Variants in AIG1 observed in about 807,000 individuals in gnomAD.
The protein encoded by AIG1 is androgen-induced gene 1 protein.
A neutral mutation model predicts 31.4 loss-of-function variants in AIG1; 23 were observed. The ratio of observed to expected loss-of-function variants is 0.73; its 90% confidence interval spans 0.53 to 1.04. AIG1 has a LOEUF of 1.04. Among genes scored for constraint, AIG1 ranks in the 50% least tolerant of loss-of-function variants. The probability of loss-of-function intolerance (pLI) is 0.00; values close to 1 mark genes in which losing one functional copy is unlikely to be tolerated. For missense variants in AIG1, 274 were observed against 295.0 expected (o/e 0.93, Z 0.52); for synonymous variants, 100 against 110.5 (o/e 0.90, Z 0.60).
chr6:143,189,652 G>A (rs1486957848), intron 3 of AIG1: 11 of 985,058 alleles, frequency 1.1e-5, no homozygotes, highest in Admixed American at 6.2e-5. Context: ...AAGTTGATTT[G>A]CTTTAAATTG....
Position 143,143,554 on chromosome 6 carries a change from TAC to T in AIG1, c.297+6573_297+6574del, listed in dbSNP as rs1554249840. On this transcript the variant is annotated intron_variant, in intron 2 of 5. Transcript: ENST00000357847. The stretch of plus-strand genomic sequence containing the variant: ...ATATATATATATATATATATATATA[TAC>T]ACACACACTTAATATCTTCTGATCC... Among the ~76,000 whole-genome samples the T allele has an allele frequency of 3.1e-3, 322 of 103,942 alleles. 3 individuals are homozygous for T. Among genetic ancestry groups the T allele is most frequent in the African/African-American group, 0.012 (260 of 22,112 alleles). 68.2% of individuals were successfully genotyped at this position (103,942 alleles called of 152,430 possible).
chr6:143,105,543 G>A (rs112503027), intron 1 of AIG1, among the ~76,000 whole-genome samples: 4 of 152,282 alleles, frequency 2.6e-5, no homozygotes, highest in Non-Finnish European at 5.9e-5. Flanking sequence ...AAAAACTGCC[G>A]AATGATACCA....
chr6:143,200,448 A>G (rs932949209), intron 3 of AIG1, among the ~76,000 whole-genome samples: 6 of 151,996 alleles, frequency 3.9e-5, no homozygotes, highest in African/African-American at 1.5e-4. Flanking sequence ...TTATCCACAC[A>G]GTGCCCCCAT....
intron 1 of AIG1, among the ~76,000 whole-genome samples, chr6:143,089,877 A>T (rs911961703): frequency 1.3e-5 from 2 of 152,162 alleles, no homozygotes; most frequent in Non-Finnish European, 2.9e-5. Flanking sequence ...ATTAGGCCCC[A>T]CCTCCAGCAC....
chr6:143,308,965 G>C (rs548252977), intron 4 of AIG1, among the ~76,000 whole-genome samples: 1 of 151,746 alleles, frequency 6.6e-6, no homozygotes, highest in Non-Finnish European at 1.5e-5. Context: ...ATATTTAAAA[G>C]AAAAACTACA....
Position 143,334,785 on chromosome 6 carries a change from G to A in AIG1, c.679+1340G>A, listed in dbSNP as rs540892680. Among the ~76,000 whole-genome samples the A allele has an allele frequency of 2.9e-4, 44 of 152,258 alleles. No homozygotes were observed. Among genetic ancestry groups the A allele is most frequent in the Middle Eastern group, 3.4e-3 (1 of 294 alleles). On this transcript the variant is annotated intron_variant, in intron 5 of 5. Coordinates refer to ENST00000357847, the MANE Select transcript of AIG1 (RefSeq NM_016108.4). The surrounding 1 kb of genome is among the most constrained non-coding windows in gnomAD (Gnocchi z 5.1). Reference sequence around the variant, plus strand: ...GAATGTGTCCAATATATGTTATTCAGGAAGTACTTAAGTACCTGCTTACAC... The same window carrying A: ...GAATGTGTCCAATATATGTTATTCAAGAAGTACTTAAGTACCTGCTTACAC...
downstream of AIG1, chr6:143,342,397 T>C (rs1777875948): frequency 2.8e-6 from 2 of 708,984 alleles, no homozygotes; most frequent in Admixed American, 2.1e-5. Context: ...CAGAAAAAAA[T>C]GTGGTTCAGA....
intron 1 of AIG1, among the ~76,000 whole-genome samples, chr6:143,087,682 A>G (rs910099044): frequency 2.0e-5 from 3 of 152,162 alleles, no homozygotes; most frequent in Non-Finnish European, 4.4e-5. Flanking sequence ...GCTCCCATAC[A>G]ATGGGAGGGG....
At chr6:143,113,715 C>G (rs1232875661) in intron 1 of AIG1, among the ~76,000 whole-genome samples, 1 of 152,060 alleles carries the variant, frequency 6.6e-6, no homozygotes, top group African/African-American at 2.4e-5. Context: ...GGTGAGTTTT[C>G]TTAGGACAGA....
rs562387323 is a variant in AIG1, at chr6:143,292,187, C to G, written c.515+7962C>G. On this transcript the variant is annotated intron_variant, in intron 4 of 5. Coordinates refer to ENST00000357847, the MANE Select transcript of AIG1 (RefSeq NM_016108.4). The surrounding 1 kb of genome is among the most constrained non-coding windows in gnomAD (Gnocchi z 4.9). ...CAAAATAATGCTCACCACAAGCCCCCAAAGATATCCACATCCTAAAATCCC... is the reference window on the plus strand; with the variant it reads ...CAAAATAATGCTCACCACAAGCCCCGAAAGATATCCACATCCTAAAATCCC... 6.6e-6 allele frequency among the ~76,000 whole-genome samples: 1 copy of G among 152,278 alleles called. No individual in the cohort carries two copies. The highest frequency in any genetic ancestry group is 1.9e-4 in the East Asian group (1 of 5,172).
At chr6:143,241,728 C>T (rs986570544) in intron 3 of AIG1, among the ~76,000 whole-genome samples, 1 of 152,182 alleles carries the variant, frequency 6.6e-6, no homozygotes, top group African/African-American at 2.4e-5. Context: ...GCAAGTCGAG[C>T]ATCCCTAATC....
chr6:143,092,154 G>T (rs1266893305), intron 1 of AIG1, among the ~76,000 whole-genome samples: 1 of 152,092 alleles, frequency 6.6e-6, no homozygotes, highest in African/African-American at 2.4e-5. Flanking sequence ...ACCCATGCTG[G>T]AATGCAGTGG....
At chr6:143,105,723 A>C (rs1780742155) in intron 1 of AIG1, among the ~76,000 whole-genome samples, 1 of 152,264 alleles carries the variant, frequency 6.6e-6, no homozygotes, top group South Asian at 2.1e-4. Flanking sequence ...CTTTGCTTTG[A>C]AAGTTAAGAA....
chr6:143,192,217 G>A (rs1478445849), intron 3 of AIG1, among the ~76,000 whole-genome samples: 1 of 152,188 alleles, frequency 6.6e-6, no homozygotes, highest in Admixed American at 6.5e-5. Context: ...CCATTCTCTC[G>A]GGAGGGCCTC....
At chr6:143,111,390 C>T (rs1395484504) in intron 1 of AIG1, among the ~76,000 whole-genome samples, 1 of 152,214 alleles carries the variant, frequency 6.6e-6, no homozygotes, top group Non-Finnish European at 1.5e-5. Flanking sequence ...CCTTAAAACT[C>T]TTCTTTTGCG....
intron 3 of AIG1, among the ~76,000 whole-genome samples, chr6:143,282,519 A>G (rs2128678518): frequency 6.6e-6 from 1 of 152,344 alleles, no homozygotes; most frequent in East Asian, 1.9e-4. Flanking sequence ...GTACTAGCAC[A>G]CATGTACATT....
At chr6:143,229,846 G>C (rs1010272593) in intron 3 of AIG1, among the ~76,000 whole-genome samples, 1 of 148,224 alleles carries the variant, frequency 6.7e-6, no homozygotes, top group Admixed American at 6.8e-5. Context: ...GTGGGTTTCT[G>C]TGGTACTATT....
intron 3 of AIG1, among the ~76,000 whole-genome samples, chr6:143,205,526 G>A (rs1161852961): frequency 6.6e-6 from 1 of 152,144 alleles, no homozygotes; most frequent in African/African-American, 2.4e-5. Flanking sequence ...ATATTCTGGT[G>A]ATAAATGATG....
intron 2 of AIG1, among the ~76,000 whole-genome samples, chr6:143,147,336 A>C (rs559725751): frequency 6.6e-6 from 1 of 152,326 alleles, no homozygotes; most frequent in Admixed American, 6.5e-5. Context: ...GAAATAAGAA[A>C]AAATCCTAGA....
Sources: allele counts gnomAD v4.1 joint callset (sites outside exome capture counted in the v4.1 genomes callset), GRCh38; gene constraint gnomAD v4.1.1; non-coding constraint Gnocchi (gnomAD v3.1); transcripts MANE v1.5; gene names NCBI Gene and HGNC (gene_info 2026-07-23, HGNC 2026-07-21).